The following CACNA2D4 variants were observed in gnomAD, a reference collection of about 807,000 sequenced individuals.
The protein encoded by CACNA2D4 is voltage-dependent calcium channel subunit alpha-2/delta-4.
A neutral mutation model predicts 163.8 loss-of-function variants in CACNA2D4; 157 were observed. The ratio of observed to expected loss-of-function variants is 0.96; its 90% CI spans 0.84 to 1.09. The LOEUF (loss-of-function observed/expected upper bound fraction) is 1.09, where lower values mean the gene tolerates loss of function less well. CACNA2D4 is among the 50% of genes least tolerant of loss of function. The probability of loss-of-function intolerance (pLI) is 0.00; values close to 1 mark genes in which losing one functional copy is unlikely to be tolerated. For missense variants in CACNA2D4, 1,410 were observed against 1,479.9 expected (o/e 0.95, Z 0.78); for synonymous variants, 598 against 586.9 (o/e 1.02, Z -0.27).
At chr12:1,911,083 G>T (rs1192556774) in intron 3 of CACNA2D4, among the ~76,000 whole-genome samples, 1 of 148,264 alleles carries the variant, frequency 6.7e-6, no homozygotes, top group Non-Finnish European at 1.5e-5. Flanking sequence ...GAGTGTGGTG[G>T]TGCAATCTCG....
At chr12:1,800,617 C>T (rs1393475220) in intron 31 of CACNA2D4, 179 bp from the exon 32 acceptor site, 2 of 634,672 alleles carry the variant, frequency 3.2e-6, no homozygotes, top group East Asian at 5.5e-5. Context: ...TCCCACCTGC[C>T]CTGCAGAGCT....
intron 19 of CACNA2D4, among the ~76,000 whole-genome samples, chr12:1,858,887 C>T (rs1865462295): frequency 6.6e-6 from 1 of 152,142 alleles, no homozygotes; most frequent in South Asian, 2.1e-4. Context: ...TTCTGTAGAC[C>T]AAGAGCCCTC....
intron 13 of CACNA2D4, among the ~76,000 whole-genome samples, chr12:1,880,192 T>C (rs1291650292): frequency 2.6e-5 from 4 of 152,166 alleles, no homozygotes; most frequent in African/African-American, 9.7e-5. Flanking sequence ...CCAGGCCGAG[T>C]GTTAAGTGCA....
rs921775015 is a variant in CACNA2D4 at position 1,869,015 on chromosome 12, G to T, written c.1878+5589C>A. ...AGGGACTGGGGCATCCATGGATTTT[G>T]GTATCTTTGGGGTGTCCTGGTCCAA... On this transcript the variant is annotated intron_variant, in intron 18 of 37. Coordinates refer to ENST00000382722, the MANE Select transcript of CACNA2D4 (RefSeq NM_172364.5). This position sits in a 1 kb window ranked among gnomAD's most constrained non-coding sequence, Gnocchi z 4.7. Among the ~76,000 whole-genome samples the T allele has an allele frequency of 6.6e-6, 1 of 152,142 alleles. No individual in the cohort carries two copies. Among genetic ancestry groups the T allele is most frequent in the Non-Finnish European group, 1.5e-5 (1 of 68,026 alleles).
chr12:1,911,794 G>A (rs1427727955), intron 3 of CACNA2D4, among the ~76,000 whole-genome samples: 1 of 152,148 alleles, frequency 6.6e-6, no homozygotes, highest in African/African-American at 2.4e-5. Flanking sequence ...GAAGTCAGGC[G>A]AGTCTCATAC....
At chr12:1,819,970 T>C (rs543401005) in intron 26 of CACNA2D4, among the ~76,000 whole-genome samples, 159 of 152,260 alleles carry the variant, frequency 1.0e-3, no homozygotes, top group African/African-American at 3.7e-3. Flanking sequence ...ATCCCTGGCT[T>C]TGTGGGGGCT....
At chr12:1,896,462 A>T (rs1164236547) in intron 6 of CACNA2D4, among the ~76,000 whole-genome samples, 2 of 152,216 alleles carry the variant, frequency 1.3e-5, no homozygotes, top group Non-Finnish European at 2.9e-5. Context: ...TTCTCAAAAG[A>T]CATGAATAGA....
chr12:1,887,588 T>G (rs1866178746), intron 6 of CACNA2D4, among the ~76,000 whole-genome samples: 1 of 152,172 alleles, frequency 6.6e-6, no homozygotes, highest in African/African-American at 2.4e-5. Flanking sequence ...GAGTATATGC[T>G]TAATAAATGT....
Position 1,828,009 on chromosome 12 carries a change from TCCCTAAC to T in CACNA2D4, c.2551+12723_2551+12729del. 1.6e-6 allele frequency: 1 copy of T among 628,870 alleles called. No individual in the cohort carries two copies. Among genetic ancestry groups the T allele is most frequent in the East Asian group, 3.3e-5 (1 of 30,574 alleles). The allele number at this position is 628,870 out of a possible 1,614,324, so 39.0% of individuals were successfully genotyped here. ...AGTGTAAAGAGACACCCGGGCCCTC[TCCCTAAC>T]CCCTGGGCTGGAACGGGGCTCCCGC... On this transcript the variant is annotated intron_variant, in intron 26 of 37. Coordinates refer to ENST00000382722, the MANE Select transcript of CACNA2D4 (RefSeq NM_172364.5). The surrounding 1 kb of genome is among the most constrained non-coding windows in gnomAD (Gnocchi z 4.2).
intron 14 of CACNA2D4, 38 bp downstream of exon 14, chr12:1,879,766 T>A: frequency 6.6e-7 from 1 of 1,518,380 alleles, no homozygotes; most frequent in South Asian, 1.2e-5. Flanking sequence ...CCCCAGGTTC[T>A]AATCCCTGCT....
At chr12:1,894,013 C>T (rs1866345645) in intron 6 of CACNA2D4, among the ~76,000 whole-genome samples, 2 of 152,004 alleles carry the variant, frequency 1.3e-5, no homozygotes, top group East Asian at 3.9e-4. Context: ...CTAGACTAAC[C>T]AAGAACAAAG....
chr12:1,908,753 C>T (rs1866737012), intron 4 of CACNA2D4, among the ~76,000 whole-genome samples: 2 of 124,962 alleles, frequency 1.6e-5, no homozygotes, highest in African/African-American at 7.3e-5. Context: ...CACGCCAACT[C>T]CCACGCCGGA....
intron 24 of CACNA2D4, among the ~76,000 whole-genome samples, chr12:1,845,590 C>T (rs1353300665): frequency 6.6e-6 from 1 of 152,116 alleles, no homozygotes; most frequent in African/African-American, 2.4e-5. Context: ...CAGGTCGGCT[C>T]AGGGGCCCTG....
chr12:1,918,545 G>T lies in CACNA2D4; in HGVS notation c.-72C>A. On this transcript the variant is annotated 5_prime_UTR_variant, in exon 1 of 38. Transcript: ENST00000382722. Reference sequence around the variant, plus strand: ...TGTCTTCCGTGCCTTGGCGAGCCTGGGGTCTCCAGCCTCTCAGTCCTGGGT... The same window carrying T: ...TGTCTTCCGTGCCTTGGCGAGCCTGTGGTCTCCAGCCTCTCAGTCCTGGGT... 1 of 1,233,996 alleles carries T rather than the reference G, an allele frequency of 8.1e-7. No individual in the cohort carries two copies. 76.4% of individuals were successfully genotyped at this position (1,233,996 alleles called of 1,614,324 possible). A position where few individuals can be genotyped will look rare whatever the true frequency, so the allele number is the denominator to read the frequency against.
At chr12:1,811,608 C>T (rs1863711845) in intron 27 of CACNA2D4, 54 bp downstream of exon 27, 1 of 1,526,156 alleles carries the variant, frequency 6.6e-7, no homozygotes, top group African/African-American at 1.4e-5. Context: ...GGGTCTCACA[C>T]CCAGGGGAGC....
At chr12:1,898,751 A>G (rs992915181) in intron 6 of CACNA2D4, among the ~76,000 whole-genome samples, 2 of 152,078 alleles carry the variant, frequency 1.3e-5, no homozygotes, top group East Asian at 3.8e-4. Context: ...TTCAGCCTCA[A>G]AAAGGAGGGA....
rs1477253879 is a variant in CACNA2D4, at chr12:1,821,000, C to T, written c.2552-9277G>A. 6.6e-6 allele frequency among the ~76,000 whole-genome samples: 1 copy of T among 152,222 alleles called. No homozygotes were observed. The highest frequency in any genetic ancestry group is 2.4e-5 in the African/African-American group (1 of 41,450). ...CAGGCACCTGAGCATCCCAAAGGTGCACGACACTGGGAACTCTGAGCCCAC... is the reference window on the plus strand; with the variant it reads ...CAGGCACCTGAGCATCCCAAAGGTGTACGACACTGGGAACTCTGAGCCCAC... On this transcript the variant is annotated intron_variant, in intron 26 of 37. Coordinates refer to ENST00000382722, the MANE Select transcript of CACNA2D4 (RefSeq NM_172364.5). This position sits in a 1 kb window ranked among gnomAD's most constrained non-coding sequence, Gnocchi z 6.0.
chr12:1,871,219 GTA>G (rs1402053595), intron 18 of CACNA2D4, among the ~76,000 whole-genome samples: 3 of 149,950 alleles, frequency 2.0e-5, no homozygotes, highest in South Asian at 2.1e-4. Flanking sequence ...TGTGCTTCTG[GTA>G]TGTGTGTGTA....
At chr12:1,860,268 C>A in intron 18 of CACNA2D4, 62 bp from the exon 19 acceptor site, 1 of 1,335,348 alleles carries the variant, frequency 7.5e-7, no homozygotes, top group East Asian at 2.3e-5. Context: ...GCCCCCACCT[C>A]GCCCCCAGGG....
Sources: allele counts gnomAD v4.1 joint callset (sites outside exome capture counted in the v4.1 genomes callset), GRCh38; gene constraint gnomAD v4.1.1; non-coding constraint Gnocchi (gnomAD v3.1); transcripts MANE v1.5; gene names NCBI Gene and HGNC (gene_info 2026-07-23, HGNC 2026-07-21).